The following SLC9A9 variants were observed in gnomAD, a reference collection of about 807,000 sequenced individuals.
SLC9A9 encodes sodium/hydrogen exchanger 9.
In SLC9A9, 62 loss-of-function variants were observed where a neutral mutation model predicts 77.8. The observed-to-expected ratio is 0.80, with a 90% CI of 0.65 to 0.98. SLC9A9 has a LOEUF of 0.98. Among genes scored for constraint, SLC9A9 ranks in the 50% least tolerant of loss-of-function variants. The pLI is 0.00. For missense variants in SLC9A9, 775 were observed against 774.9 expected (o/e 1.00, Z 0.00); for synonymous variants, 320 against 283.5 (o/e 1.13, Z -1.29).
At position 143,796,764 on chromosome 3, in the gene SLC9A9, A is replaced by G. The variant is rs1463610427; in HGVS notation, c.456+62T>C. On this transcript the variant is annotated intron_variant, in intron 3 of 15. Coordinates refer to ENST00000316549, the MANE Select transcript of SLC9A9 (RefSeq NM_173653.4). ...AAGCCCATAAAAATAACAGTTTCTC[A>G]TTAGTGCTGGTAAAATTCTCTACTT... 4.2e-6 allele frequency: 5 copies of G among 1,199,302 alleles called. No homozygotes were observed. In the South Asian group the frequency reaches 5.4e-5, roughly 13 times the overall value. 74.3% of individuals were successfully genotyped at this position (1,199,302 alleles called of 1,614,324 possible). A position where few individuals can be genotyped will look rare whatever the true frequency, so the allele number is the denominator to read the frequency against.
At chr3:143,451,164 TA>T (rs199893171) in intron 12 of SLC9A9, among the ~76,000 whole-genome samples, 39 of 144,996 alleles carry the variant, frequency 2.7e-4, no homozygotes, top group Admixed American at 3.4e-4. Flanking sequence ...AGAGTGTTAT[TA>T]AAAAAAAAAA....
chr3:143,559,196 G>T (rs1470090221), intron 8 of SLC9A9, among the ~76,000 whole-genome samples: 1 of 152,078 alleles, frequency 6.6e-6, no homozygotes, highest in East Asian at 1.9e-4. Context: ...CCCAGTCTTG[G>T]GTATTTCTTC....
At chr3:143,270,392 A>G (rs1351215787) in intron 14 of SLC9A9, among the ~76,000 whole-genome samples, 13 of 152,184 alleles carry the variant, frequency 8.5e-5, no homozygotes. Flanking sequence ...CACCCCTAGA[A>G]GACAATTCTC....
intron 8 of SLC9A9, among the ~76,000 whole-genome samples, chr3:143,557,778 A>G (rs1229391409): frequency 6.6e-6 from 1 of 152,246 alleles, no homozygotes; most frequent in Non-Finnish European, 1.5e-5. Flanking sequence ...CTGGTGGAAG[A>G]AATTTCTAAG....
At chr3:143,366,450 G>C (rs1370687232) in intron 13 of SLC9A9, among the ~76,000 whole-genome samples, 1 of 152,154 alleles carries the variant, frequency 6.6e-6, no homozygotes, top group East Asian at 1.9e-4. Flanking sequence ...TTTTCTGCAA[G>C]TATCTAATTC....
rs1491078748 is a variant in SLC9A9 at position 143,655,711 on chromosome 3, C to CACACACACAA, written c.650-3352_650-3351insTTGTGTGTGT. ...ACACACACACACACACACACACACACAAACACACCCCTACCTCTAGGTAAG... is the reference window on the plus strand; with the variant it reads ...ACACACACACACACACACACACACACACACACACAAAAACACACCCCTACCTCTAGGTAAG... On this transcript the variant is annotated intron_variant, in intron 5 of 15. Transcript: ENST00000316549. 5.1e-6 allele frequency: 3 copies of CACACACACAA among 592,742 alleles called. No individual in the cohort carries two copies. In the African/African-American group the frequency reaches 5.9e-5, roughly 12 times the overall value. 36.7% of individuals were successfully genotyped at this position (592,742 alleles called of 1,614,324 possible). A position where few individuals can be genotyped will look rare whatever the true frequency, so the allele number is the denominator to read the frequency against.
chr3:143,469,578 C>T (rs2035342479), intron 11 of SLC9A9, among the ~76,000 whole-genome samples: 1 of 152,104 alleles, frequency 6.6e-6, no homozygotes, highest in Admixed American at 6.5e-5. Context: ...AAACTATAAC[C>T]ATCCTGGTTT....
intron 6 of SLC9A9, among the ~76,000 whole-genome samples, chr3:143,624,634 C>G (rs1361804379): frequency 6.6e-6 from 1 of 152,102 alleles, no homozygotes; most frequent in Non-Finnish European, 1.5e-5. Flanking sequence ...TAAGAGCTAT[C>G]TATGACAAAC....
chr3:143,501,573 C>T (rs2035923643), intron 9 of SLC9A9, among the ~76,000 whole-genome samples: 1 of 150,856 alleles, frequency 6.6e-6, no homozygotes, highest in South Asian at 2.1e-4. Flanking sequence ...AGAGGGTGCC[C>T]TTTTCCCCAT....
chr3:143,315,606 CAT>C (rs2031185154), intron 14 of SLC9A9, among the ~76,000 whole-genome samples: 1 of 152,218 alleles, frequency 6.6e-6, no homozygotes, highest in African/African-American at 2.4e-5. Flanking sequence ...CATTTAAAAA[CAT>C]GTGTCAAGAT....
At chr3:143,556,201 T>C (rs1000582648) in intron 8 of SLC9A9, among the ~76,000 whole-genome samples, 1 of 152,250 alleles carries the variant, frequency 6.6e-6, no homozygotes, top group Non-Finnish European at 1.5e-5. Context: ...TGTGAGGTCC[T>C]AGATAGTTCT....
chr3:143,497,088 A>C (rs1320958842), intron 9 of SLC9A9, among the ~76,000 whole-genome samples: 1 of 152,194 alleles, frequency 6.6e-6, no homozygotes, highest in Non-Finnish European at 1.5e-5. Context: ...ATATCATCAC[A>C]ATGGGGATTA....
At chr3:143,680,539 TA>T (rs1278042967) in intron 5 of SLC9A9, among the ~76,000 whole-genome samples, 2 of 152,178 alleles carry the variant, frequency 1.3e-5, no homozygotes, top group Non-Finnish European at 2.9e-5. Flanking sequence ...TATTCTTTAT[TA>T]AAATTAGTAT....
intron 12 of SLC9A9, among the ~76,000 whole-genome samples, chr3:143,388,938 T>C (rs1301590131): frequency 1.3e-5 from 2 of 152,254 alleles, no homozygotes; most frequent in East Asian, 3.9e-4. Context: ...ATGAGTTTAA[T>C]GGTAAGAGAA....
At chr3:143,480,688 A>T (rs2035558629) in intron 11 of SLC9A9, among the ~76,000 whole-genome samples, 1 of 152,180 alleles carries the variant, frequency 6.6e-6, no homozygotes, top group Non-Finnish European at 1.5e-5. Context: ...TCGTCTTCTT[A>T]AATGGAGAAA....
intron 7 of SLC9A9, among the ~76,000 whole-genome samples, chr3:143,574,974 T>C (rs1221720352): frequency 6.6e-6 from 1 of 152,200 alleles, no homozygotes; most frequent in Non-Finnish European, 1.5e-5. Context: ...GATGTGATCG[T>C]GTTGCATTTT....
intron 12 of SLC9A9, among the ~76,000 whole-genome samples, chr3:143,385,451 G>A (rs2033402067): frequency 6.6e-6 from 1 of 152,120 alleles, no homozygotes; most frequent in Non-Finnish European, 1.5e-5. Flanking sequence ...ACATAGACAT[G>A]CATGGCACCT....
intron 7 of SLC9A9, among the ~76,000 whole-genome samples, chr3:143,577,181 G>A (rs2037373425): frequency 6.6e-6 from 1 of 152,152 alleles, no homozygotes; most frequent in Non-Finnish European, 1.5e-5. Flanking sequence ...GTGGACTAGA[G>A]AAAGAGGCTC....
intron 12 of SLC9A9, among the ~76,000 whole-genome samples, chr3:143,403,242 G>C (rs1249895048): frequency 6.6e-6 from 1 of 151,880 alleles, no homozygotes; most frequent in Non-Finnish European, 1.5e-5. Flanking sequence ...TCTTCCTGTG[G>C]ATTTGAGTTA....
Sources: allele counts gnomAD v4.1 joint callset (sites outside exome capture counted in the v4.1 genomes callset), GRCh38; gene constraint gnomAD v4.1.1; transcripts MANE v1.5; gene names NCBI Gene and HGNC (gene_info 2026-07-23, HGNC 2026-07-21).